Variants in NTNG2 observed in about 807,000 individuals in gnomAD.
NTNG2 encodes the protein netrin-G2.
NTNG2 carries 15 observed loss-of-function variants against 47.6 expected under a neutral mutation model. The ratio of observed to expected loss-of-function variants is 0.32; its 90% CI spans 0.21 to 0.49. NTNG2 has a LOEUF of 0.49. NTNG2 is among the 20% of genes least tolerant of loss of function. The pLI is 0.99. For missense variants in NTNG2, 578 were observed against 764.6 expected, an observed-to-expected ratio of 0.76 and a Z score of 2.88; for synonymous variants, 307 against 324.6, an observed-to-expected ratio of 0.95 and a Z score of 0.58.
At chr9:132,191,415 A>G (rs529509775) in intron 2 of NTNG2, among the ~76,000 whole-genome samples, 16 of 152,304 alleles carry the variant, frequency 1.1e-4, no homozygotes, top group Admixed American at 7.8e-4. Flanking sequence ...ACCATCTCAC[A>G]TGGCAATCAA....
chr9:132,192,272 G>A (rs1194858701), intron 2 of NTNG2, among the ~76,000 whole-genome samples: 9 of 152,154 alleles, frequency 5.9e-5, no homozygotes, highest in Admixed American at 2.0e-4. Context: ...CTAATACCCC[G>A]GTGGGTCCCC....
intron 6 of NTNG2, 142 bp from the exon 7 acceptor site, chr9:132,240,768 C>T: frequency 7.7e-7 from 1 of 1,292,516 alleles, no homozygotes. Context: ...TGCCGTCCAG[C>T]CGCGGGCTCA....
At chr9:132,169,207 G>A (rs537693239) in intron 2 of NTNG2, among the ~76,000 whole-genome samples, 50 of 152,370 alleles carry the variant, frequency 3.3e-4, no homozygotes, top group Admixed American at 1.4e-3. Context: ...GCAAGTCCTC[G>A]GCGTCTCGCC....
In NTNG2 at chr9:132,182,573, G is replaced by A. The variant is rs549305059; in HGVS notation, c.214-15393G>A. On this transcript the variant is annotated intron_variant, in intron 2 of 7. Transcript: ENST00000393229. The surrounding 1 kb of genome is among the most constrained non-coding windows in gnomAD (Gnocchi z 4.2). ...GCAGCAGCCACGACCTTGGGTGGAC[G>A]CTGCGCCTCATCAGCCCTGACTAGC... is the stretch of plus-strand genomic sequence containing the variant. Among the ~76,000 whole-genome samples the A allele has an allele frequency of 6.6e-6, 1 of 152,314 alleles. No homozygotes were observed. The highest frequency in any genetic ancestry group is 2.4e-5 in the African/African-American group (1 of 41,568).
At chr9:132,227,278 G>T (rs1447155130) in intron 4 of NTNG2, among the ~76,000 whole-genome samples, 1 of 152,188 alleles carries the variant, frequency 6.6e-6, no homozygotes, top group African/African-American at 2.4e-5. Context: ...TTGTTCTACA[G>T]CTCCCAAACG....
At chr9:132,234,242 G>GGT (rs1358560459) in intron 5 of NTNG2, among the ~76,000 whole-genome samples, 1 of 152,128 alleles carries the variant, frequency 6.6e-6, no homozygotes, top group African/African-American at 2.4e-5. Flanking sequence ...TGGTCAGGCT[G>GGT]GTGTTGAACT....
At chr9:132,173,449 G>A (rs1836090391) in intron 2 of NTNG2, among the ~76,000 whole-genome samples, 1 of 152,150 alleles carries the variant, frequency 6.6e-6, no homozygotes, top group South Asian at 2.1e-4. Flanking sequence ...GGCCCAGATG[G>A]GACATCTTTC....
chr9:132,242,318 C>A lies in NTNG2; in HGVS notation c.*207C>A. ...GCGCCTTGGGACTCCGGTCCCCGCG[C>A]CTGCGATTTGGTTTCGTTTTTCTTT... On this transcript the variant is annotated 3_prime_UTR_variant, in exon 8 of 8. Coordinates refer to ENST00000393229, the MANE Select transcript of NTNG2 (RefSeq NM_032536.4). The surrounding 1 kb of genome is among the most constrained non-coding windows in gnomAD (Gnocchi z 5.9). 1 of 187,636 alleles carries A rather than the reference C, an allele frequency of 5.3e-6. No individual in the cohort carries two copies. The highest frequency in any genetic ancestry group is 1.1e-5 in the Non-Finnish European group (1 of 92,584). The allele number at this position is 187,636 out of a possible 1,614,324, so 11.6% of individuals were successfully genotyped here. A position where few individuals can be genotyped will look rare whatever the true frequency, so the allele number is the denominator to read the frequency against.
chr9:132,229,640 G>T (rs905806454), intron 4 of NTNG2, among the ~76,000 whole-genome samples: 6 of 152,128 alleles, frequency 3.9e-5, no homozygotes, highest in Admixed American at 2.0e-4. Context: ...GTGTCCTCAG[G>T]GTCTAGCAGG....
intron 2 of NTNG2, among the ~76,000 whole-genome samples, chr9:132,167,950 G>A (rs78236014): frequency 0.023 from 3,438 of 152,286 alleles, 112 homozygotes; most frequent in East Asian, 0.12. Flanking sequence ...TCTGTCATCT[G>A]CAAAATGGGC....
At position 132,244,312 on chromosome 9, in the gene NTNG2, C is replaced by G. The variant is rs1445171223; in HGVS notation, c.*2201C>G. On this transcript the variant is annotated 3_prime_UTR_variant, in exon 8 of 8. Transcript: ENST00000393229. Reference sequence around the variant, plus strand: ...GTGGAAGTTGCAGAGCCTGGGACACCTGCCTTGGCTGCAACCTCTGCACTG... The same window carrying G: ...GTGGAAGTTGCAGAGCCTGGGACACGTGCCTTGGCTGCAACCTCTGCACTG... 2.0e-5 allele frequency: 3 copies of G among 152,252 alleles called. No homozygotes were observed. The highest frequency in any genetic ancestry group is 7.2e-5 in the African/African-American group (3 of 41,440). 9.4% of individuals were successfully genotyped at this position (152,252 alleles called of 1,614,324 possible).
intron 2 of NTNG2, among the ~76,000 whole-genome samples, chr9:132,181,720 T>C (rs1027088424): frequency 6.6e-6 from 1 of 152,232 alleles, no homozygotes; most frequent in Admixed American, 6.5e-5. Flanking sequence ...CTATAGCTCA[T>C]TGAACTCTCA....
intron 2 of NTNG2, among the ~76,000 whole-genome samples, chr9:132,174,336 A>G (rs78995714): frequency 2.0e-4 from 23 of 115,782 alleles, no homozygotes; most frequent in South Asian, 6.3e-4. Flanking sequence ...GGACAGACAG[A>G]CAGGTCGAAC....
intron 3 of NTNG2, among the ~76,000 whole-genome samples, chr9:132,209,169 A>C (rs984776014): frequency 6.6e-6 from 1 of 152,266 alleles, no homozygotes; most frequent in Non-Finnish European, 1.5e-5. Context: ...TTGGGTGAAC[A>C]TAAGTTTTCG....
rs1835118490 is a variant in NTNG2 at position 132,162,547 on chromosome 9, TGTGTGTGTGAGAGAGAGACAGA to T, written c.-484+318_-484+339del. ...TCGTGTGTGTGAGAGTGTGTGTGTGTGTGTGTGTGAGAGAGAGACAGAGTGTGTGTGTGTGTGTGTGTGTGTG... is the reference window on the plus strand; with the variant it reads ...TCGTGTGTGTGAGAGTGTGTGTGTGTGTGTGTGTGTGTGTGTGTGTGTGTG... On this transcript the variant is annotated intron_variant, in intron 1 of 7. Transcript: ENST00000393229. This position sits in a 1 kb window ranked among gnomAD's most constrained non-coding sequence, Gnocchi z 4.6. Among the ~76,000 whole-genome samples the T allele has an allele frequency of 9.2e-6, 1 of 108,694 alleles. No individual in the cohort carries two copies. The highest frequency in any genetic ancestry group is 1.8e-5 in the Non-Finnish European group (1 of 54,458). 71.3% of individuals were successfully genotyped at this position (108,694 alleles called of 152,430 possible). A position where few individuals can be genotyped will look rare whatever the true frequency, so the allele number is the denominator to read the frequency against.
rs1013231895 is a variant in NTNG2, at chr9:132,182,796, C to T, written c.214-15170C>T. ...AGCTATGACCCCACCAGGAGCGGAG[C>T]GGGCAGGGACCAGGCTGCCCTCTAA... On this transcript the variant is annotated intron_variant, in intron 2 of 7. Transcript: ENST00000393229. The surrounding 1 kb of genome is among the most constrained non-coding windows in gnomAD (Gnocchi z 4.2). Among the ~76,000 whole-genome samples the T allele has an allele frequency of 4.6e-5, 7 of 152,204 alleles. No homozygotes were observed. The East Asian group carries it at 7.7e-4, about 17-fold the overall frequency.
At chr9:132,185,740 T>C (rs954756850) in intron 2 of NTNG2, among the ~76,000 whole-genome samples, 5 of 152,012 alleles carry the variant, frequency 3.3e-5, no homozygotes, top group Admixed American at 2.6e-4. Flanking sequence ...TATGAAAGTG[T>C]TGAGCTGTTT....
At chr9:132,223,920 C>T (rs1039953214) in intron 3 of NTNG2, among the ~76,000 whole-genome samples, 1 of 152,222 alleles carries the variant, frequency 6.6e-6, no homozygotes, top group Non-Finnish European at 1.5e-5. Flanking sequence ...CTCCACCCCC[C>T]AGCCTCATTG....
intron 2 of NTNG2, among the ~76,000 whole-genome samples, chr9:132,168,321 C>T (rs1030050886): frequency 2.6e-5 from 4 of 152,330 alleles, no homozygotes; most frequent in Admixed American, 2.0e-4. Flanking sequence ...ATGCCATCCC[C>T]CAGGCAGCTG....
Sources: gnomAD v4.1 joint callset for allele counts (sites outside exome capture counted in the v4.1 genomes callset) on GRCh38, gnomAD v4.1.1 for gene constraint, Gnocchi (gnomAD v3.1) non-coding constraint, MANE v1.5 for transcripts, NCBI Gene and HGNC (gene_info 2026-07-23, HGNC 2026-07-21) for gene names.